Variants in KCNC2 observed in about 807,000 individuals in gnomAD.
KCNC2 encodes the protein potassium voltage-gated channel subfamily C member 2.
Under a neutral mutation model 44.5 loss-of-function variants are expected in KCNC2, and 21 were observed. That is an observed-to-expected ratio of 0.47 (90% CI 0.33 to 0.68). The LOEUF is 0.68. Among genes scored for constraint, KCNC2 ranks in the 30% least tolerant of loss-of-function variants. KCNC2 has a pLI of 0.01. For missense variants in KCNC2, 589 were observed against 826.2 expected, an observed-to-expected ratio of 0.71 and a Z score of 3.52; for synonymous variants, 391 against 339.1, an observed-to-expected ratio of 1.15 and a Z score of -1.68.
At chr12:75,148,713 A>G (rs1420012951) in intron 2 of KCNC2, among the ~76,000 whole-genome samples, 2 of 151,938 alleles carry the variant, frequency 1.3e-5, no homozygotes, top group Non-Finnish European at 2.9e-5. Flanking sequence ...TTGTGGTTTT[A>G]TTGCTTCTCA....
chr12:75,041,842 A>T lies in KCNC2; in HGVS notation c.*1263T>A. ...ATACACAAAGCAGAGAGGCTGCTCC[A>T]AATAGCAAAAAATGGTATGGAGTCG... On this transcript the variant is annotated 3_prime_UTR_variant, in exon 5 of 5. Coordinates refer to ENST00000549446, the MANE Select transcript of KCNC2 (RefSeq NM_139137.4). 1 of 988,086 alleles carries T rather than the reference A, an allele frequency of 1.0e-6. No homozygotes were observed. Among genetic ancestry groups the T allele is most frequent in the Non-Finnish European group, 1.2e-6 (1 of 832,242 alleles). The allele number at this position is 988,086 out of a possible 1,614,324, so 61.2% of individuals were successfully genotyped here.
intron 2 of KCNC2, among the ~76,000 whole-genome samples, chr12:75,055,727 G>A (rs565534266): frequency 5.9e-5 from 9 of 151,982 alleles, no homozygotes; most frequent in Non-Finnish European, 1.2e-4. Context: ...GAATGGCCAG[G>A]ACTCTTATTT....
chr12:75,162,201 A>AT (rs1248485862), intron 2 of KCNC2, among the ~76,000 whole-genome samples: 1 of 151,658 alleles, frequency 6.6e-6, no homozygotes, highest in African/African-American at 2.4e-5. Context: ...CTCAAGATAT[A>AT]TTTTTTTAAA....
intron 2 of KCNC2, among the ~76,000 whole-genome samples, chr12:75,119,871 T>C (rs1440000902): frequency 1.3e-5 from 2 of 152,166 alleles, no homozygotes; most frequent in Admixed American, 6.5e-5. Context: ...TACATGGTAG[T>C]TTAAGAAACA....
At chr12:75,097,987 T>C (rs1439866730) in intron 2 of KCNC2, among the ~76,000 whole-genome samples, 1 of 152,092 alleles carries the variant, frequency 6.6e-6, no homozygotes, top group Non-Finnish European at 1.5e-5. Flanking sequence ...CACTCCCTTC[T>C]CTCTATGAGA....
At chr12:75,188,210 A>T (rs1279693048) in intron 2 of KCNC2, among the ~76,000 whole-genome samples, 1 of 152,196 alleles carries the variant, frequency 6.6e-6, no homozygotes, top group Non-Finnish European at 1.5e-5. Context: ...TTGAGCACTA[A>T]CTGTTTCAAA....
chr12:75,071,691 C>G (rs149399151), intron 2 of KCNC2, among the ~76,000 whole-genome samples: 4,941 of 152,160 alleles, frequency 0.032, 244 homozygotes, highest in African/African-American at 0.11. Context: ...GTGGCTCACG[C>G]CTGTAATCCC....
At chr12:75,080,176 A>G (rs1035313240) in intron 2 of KCNC2, among the ~76,000 whole-genome samples, 1 of 152,058 alleles carries the variant, frequency 6.6e-6, no homozygotes, top group Non-Finnish European at 1.5e-5. Context: ...TCATTTTTCC[A>G]TACTAAGAAT....
At chr12:75,177,313 A>T (rs1048082497) in intron 2 of KCNC2, among the ~76,000 whole-genome samples, 4 of 151,980 alleles carry the variant, frequency 2.6e-5, no homozygotes, top group Admixed American at 6.6e-5. Flanking sequence ...AGGAAATATA[A>T]CTAAAATTCT....
At chr12:75,106,700 A>C (rs1213656151) in intron 2 of KCNC2, among the ~76,000 whole-genome samples, 1 of 152,210 alleles carries the variant, frequency 6.6e-6, no homozygotes, top group Non-Finnish European at 1.5e-5. Context: ...CACTCTTATT[A>C]ATAGAGCATC....
intron 2 of KCNC2, among the ~76,000 whole-genome samples, chr12:75,074,453 T>A (rs1324204901): frequency 6.6e-6 from 1 of 152,100 alleles, no homozygotes; most frequent in Non-Finnish European, 1.5e-5. Context: ...TTCTGCTACC[T>A]GATCAATTCT....
chr12:75,208,783 G>A (rs1487211635), intron 1 of KCNC2, among the ~76,000 whole-genome samples: 2 of 152,026 alleles, frequency 1.3e-5, no homozygotes, highest in East Asian at 3.9e-4. Context: ...GGAGACCTCT[G>A]ACTTATTTCC....
intron 2 of KCNC2, among the ~76,000 whole-genome samples, chr12:75,149,656 T>C (rs1478326205): frequency 6.6e-6 from 1 of 151,840 alleles, no homozygotes; most frequent in Non-Finnish European, 1.5e-5. Flanking sequence ...TAGCCAATGT[T>C]TGTTTTAATT....
At chr12:75,082,019 C>A (rs1884558527) in intron 2 of KCNC2, among the ~76,000 whole-genome samples, 2 of 151,952 alleles carry the variant, frequency 1.3e-5, no homozygotes, top group South Asian at 4.1e-4. Context: ...TCTGTCTAAG[C>A]TTGAACAAGT....
chr12:75,139,029 A>G (rs1243058203), intron 2 of KCNC2, among the ~76,000 whole-genome samples: 3 of 151,238 alleles, frequency 2.0e-5, no homozygotes, highest in Non-Finnish European at 4.4e-5. Context: ...AAAAGGAAAA[A>G]GAAAATGGGA....
At chr12:75,148,345 G>A (rs934224725) in intron 2 of KCNC2, among the ~76,000 whole-genome samples, 1 of 151,972 alleles carries the variant, frequency 6.6e-6, no homozygotes, top group Non-Finnish European at 1.5e-5. Context: ...TGGGAGCTGT[G>A]ACAACTATTC....
chr12:75,152,920 G>A (rs1189620027), intron 2 of KCNC2, among the ~76,000 whole-genome samples: 1 of 151,810 alleles, frequency 6.6e-6, no homozygotes, highest in South Asian at 2.1e-4. Context: ...AATTAGAGGC[G>A]AATTATACAA....
rs567474112 is a variant in KCNC2, at chr12:75,166,427, A to G, written c.687+40870T>C. Among the ~76,000 whole-genome samples the G allele has an allele frequency of 1.9e-4, 28 of 149,286 alleles. No homozygotes were observed. In the South Asian group the frequency reaches 5.2e-3, roughly 28 times the overall value. On this transcript the variant is annotated intron_variant, in intron 2 of 4. Coordinates refer to ENST00000549446, the MANE Select transcript of KCNC2 (RefSeq NM_139137.4). Reference sequence around the variant, plus strand: ...CTAGGCAGAAGATCAAAATGGAAAGAGAAAACTCGAATGATCTAAAAAAAA... The same window carrying G: ...CTAGGCAGAAGATCAAAATGGAAAGGGAAAACTCGAATGATCTAAAAAAAA...
At chr12:75,157,769 G>A (rs1890860941) in intron 2 of KCNC2, among the ~76,000 whole-genome samples, 1 of 151,840 alleles carries the variant, frequency 6.6e-6, no homozygotes, top group Non-Finnish European at 1.5e-5. Flanking sequence ...TACTGACAGT[G>A]ATTATTTTAA....
Sources: allele counts gnomAD v4.1 joint callset (sites outside exome capture counted in the v4.1 genomes callset), GRCh38; gene constraint gnomAD v4.1.1; transcripts MANE v1.5; gene names NCBI Gene and HGNC (gene_info 2026-07-23, HGNC 2026-07-21).